ADAP1: variants seen among roughly 807,000 people sequenced by gnomAD.
The protein encoded by ADAP1 is ArfGAP with dual PH domains 1.
A neutral mutation model predicts 54.9 loss-of-function variants in ADAP1; 31 were observed. The observed-to-expected ratio is 0.56, with a 90% confidence interval of 0.42 to 0.76. The LOEUF (loss-of-function observed/expected upper bound fraction) is 0.76. Ranked by LOEUF, ADAP1 falls within the 30% of genes least tolerant of loss-of-function variation. The probability of loss-of-function intolerance (pLI) is 0.00; values close to 1 mark genes in which losing one functional copy is unlikely to be tolerated. For synonymous variants in ADAP1, 313 were observed against 202.6 expected (o/e 1.55, Z -4.63); for missense variants, 535 against 512.4 (o/e 1.04, Z -0.42).
chr7:942,595 AGG>A (rs1252122915), intron 1 of ADAP1, among the ~76,000 whole-genome samples: 8 of 57,374 alleles, frequency 1.4e-4, no homozygotes, highest in Non-Finnish European at 2.9e-4. Flanking sequence ...AGGAGGAGGA[AGG>A]GAGAGAGGAG....
rs371261230 is a variant in ADAP1 at position 920,220 on chromosome 7, TG to T, written c.306-171del. Among the ~76,000 whole-genome samples, 5 of 152,250 alleles carry T rather than the reference TG, an allele frequency of 3.3e-5. No individual in the cohort carries two copies. The highest frequency in any genetic ancestry group is 9.6e-5 in the African/African-American group (4 of 41,548). On this transcript the variant is annotated intron_variant, in intron 3 of 10. Coordinates refer to ENST00000265846, the MANE Select transcript of ADAP1 (RefSeq NM_006869.4). The surrounding 1 kb of genome is among the most constrained non-coding windows in gnomAD (Gnocchi z 4.5). Reference sequence around the variant, plus strand: ...CGGAAGAAATGCAGGGTCAGCCTCCTGCCCGGGACGCTTCTCACTCTGATAT... The same window carrying T: ...CGGAAGAAATGCAGGGTCAGCCTCCTCCCGGGACGCTTCTCACTCTGATAT...
chr7:954,453 C>A lies in ADAP1; in HGVS notation c.25G>T (p.Val9Phe). 1 of 1,072,118 alleles carries A rather than the reference C, an allele frequency of 9.3e-7. No individual in the cohort carries two copies. The highest frequency in any genetic ancestry group is 2.9e-5 in the South Asian group (1 of 34,708). 66.4% of individuals were successfully genotyped at this position (1,072,118 alleles called of 1,614,324 possible). A position where few individuals can be genotyped will look rare whatever the true frequency, so the allele number is the denominator to read the frequency against. MAKERRRA[V>F]LELLQRPGNA... is the part of the protein sequence containing the mutation. ...CCCGGCCGCTGCAGCAGCTCCAGGA[C>A]CGCCCTGCGCCGCTCCTTGGCCATG... The change falls in exon 1 of 11, where the codon GTC becomes TTC. Residue 9 changes from valine to phenylalanine, a missense_variant. Transcript: ENST00000265846.
chr7:903,788 G>A (rs1428186910), intron 6 of ADAP1, among the ~76,000 whole-genome samples: 2 of 152,300 alleles, frequency 1.3e-5, no homozygotes, highest in Non-Finnish European at 2.9e-5. Context: ...GCATTGTGGG[G>A]GCGGTGGATC....
chr7:901,539 C>T (rs1257048031), intron 6 of ADAP1: 1 of 158,750 alleles, frequency 6.3e-6, no homozygotes, highest in Non-Finnish European at 1.4e-5. Context: ...CCAGCTGGCA[C>T]CCGGCCCAGC....
chr7:906,524 A>G (rs374788825), intron 4 of ADAP1, among the ~76,000 whole-genome samples: 385 of 33,148 alleles, frequency 0.012, 87 homozygotes, highest in Middle Eastern at 0.017. Flanking sequence ...GAAAGGAGAA[A>G]GGGAAAGGAG....
intron 4 of ADAP1, among the ~76,000 whole-genome samples, chr7:915,898 T>C (rs921478370): frequency 1.0e-4 from 15 of 146,388 alleles, no homozygotes; most frequent in Middle Eastern, 3.5e-3. Context: ...GCCACCCGCC[T>C]GCAGAACCCA....
chr7:904,077 G>C (rs570658393), intron 6 of ADAP1, 49 bp downstream of exon 6: 1 of 1,602,308 alleles, frequency 6.2e-7, no homozygotes, highest in South Asian at 1.1e-5. Context: ...CCGGGCCTGA[G>C]GGCCCACCCT....
chr7:904,243 G>C lies in ADAP1; in HGVS notation c.531C>G (p.Ile177Met), dbSNP rs145071792. The change falls in exon 6 of 11, where the codon ATC (isoleucine) becomes ATG (methionine). Residue 177 changes from isoleucine (I) to methionine (M), a missense_variant. By Grantham distance (10) the Ile-to-Met change is conservative. Coordinates refer to ENST00000265846, the MANE Select transcript of ADAP1 (RefSeq NM_006869.4). Reference protein sequence around the residue: ...DAKEPKAVMKIEHLNATFQPA... With the variant: ...DAKEPKAVMKMEHLNATFQPA... ...GCTGGAAGGTGGCGTTCAGGTGCTC[G>C]ATCTTCATCACGGCCTTGGGCTCCT... 4.4e-6 allele frequency: 7 copies of C among 1,607,244 alleles called. No individual in the cohort carries two copies. The highest frequency in any genetic ancestry group is 1.3e-5 in the African/African-American group (1 of 74,858).
chr7:941,090 C>CA (rs1846927869), intron 1 of ADAP1, among the ~76,000 whole-genome samples: 1 of 151,960 alleles, frequency 6.6e-6, no homozygotes, highest in Non-Finnish European at 1.5e-5. Flanking sequence ...TCAACAGATG[C>CA]AAAAAATGTT....
At chr7:904,053 C>A in intron 6 of ADAP1, 73 bp downstream of exon 6, 2 of 1,591,002 alleles carry the variant, frequency 1.3e-6, no homozygotes, top group Non-Finnish European at 1.7e-6. Context: ...CAAGCACCCA[C>A]CTTCCTGCGC....
intron 4 of ADAP1, among the ~76,000 whole-genome samples, chr7:919,510 CT>C (rs1846074154): frequency 6.7e-6 from 1 of 149,910 alleles, no homozygotes; most frequent in South Asian, 2.1e-4. Flanking sequence ...AATAATGACT[CT>C]GTCCACACGA....
At chr7:940,532 T>G (rs1846915778) in intron 1 of ADAP1, among the ~76,000 whole-genome samples, 1 of 152,150 alleles carries the variant, frequency 6.6e-6, no homozygotes, top group South Asian at 2.1e-4. Context: ...ATGACTAAAA[T>G]TTAAAAGATG....
chr7:908,433 C>T (rs1250499654), intron 4 of ADAP1, among the ~76,000 whole-genome samples: 1 of 152,182 alleles, frequency 6.6e-6, no homozygotes, highest in Non-Finnish European at 1.5e-5. Flanking sequence ...GGGGCCTGCT[C>T]CCCTCACTGC....
chr7:901,052 G>C (rs1036910607), intron 6 of ADAP1: 2 of 471,840 alleles, frequency 4.2e-6, no homozygotes, highest in East Asian at 6.9e-5. Flanking sequence ...TGGGAGAAGG[G>C]AGGCTCATCT....
Position 905,179 on chromosome 7 carries a change from G to A in ADAP1, c.389-7C>T, listed in dbSNP as rs560031579. The A allele has an allele frequency of 1.4e-5, 23 of 1,610,154 alleles. No individual in the cohort carries two copies. The highest frequency in any genetic ancestry group is 7.7e-5 in the South Asian group (7 of 91,064). ...AGAAAACCCTCACGGTACCCTGTGG[G>A]GGAAAGGGGACACGAGTCGGTGACA... is the stretch of plus-strand genomic sequence containing the variant. On this transcript the variant is annotated splice_region_variant and splice_polypyrimidine_tract_variant and intron_variant, in intron 4 of 10. Transcript: ENST00000265846.
chr7:954,353 C>A, intron 1 of ADAP1, 43 bp downstream of exon 1: 1 of 1,032,488 alleles, frequency 9.7e-7, no homozygotes, highest in Non-Finnish European at 1.2e-6. Context: ...CCCGCGCCCA[C>A]CCCGGACCCA....
intron 3 of ADAP1, among the ~76,000 whole-genome samples, chr7:925,673 T>A (rs1017681346): frequency 1.3e-5 from 2 of 152,298 alleles, no homozygotes; most frequent in African/African-American, 4.8e-5. Flanking sequence ...AGCCCCCGAG[T>A]CAGGGCAGAG....
In ADAP1 at chr7:914,204, G is replaced by A. The variant is rs549390526; in HGVS notation, c.388+5764C>T. On this transcript the variant is annotated intron_variant, in intron 4 of 10. Transcript: ENST00000265846. ...GGCAGACCTGCAGCCACTCCTCTGT[G>A]CAGAGCGGGAGCCACCTGGCCCAGG... 9.9e-5 allele frequency among the ~76,000 whole-genome samples: 15 copies of A among 152,274 alleles called. No individual in the cohort carries two copies. In the East Asian group the frequency reaches 2.9e-3, roughly 29 times the overall value.
intron 1 of ADAP1, among the ~76,000 whole-genome samples, chr7:940,330 T>TCACACA (rs56715852): frequency 0.013 from 1,896 of 140,690 alleles, 29 homozygotes; most frequent in African/African-American, 0.043. Flanking sequence ...ACAGACCCTG[T>TCACACA]CACACACACA....
Sources: allele counts gnomAD v4.1 joint callset (sites outside exome capture counted in the v4.1 genomes callset), GRCh38; gene constraint gnomAD v4.1.1; non-coding constraint Gnocchi (gnomAD v3.1); transcripts MANE v1.5; gene names NCBI Gene and HGNC (gene_info 2026-07-23, HGNC 2026-07-21).